The following ADAM12 variants were observed in gnomAD, a reference collection of about 807,000 sequenced individuals.
ADAM12 encodes the protein ADAM metallopeptidase domain 12.
Under a neutral mutation model 106.4 loss-of-function variants are expected in ADAM12, and 70 were observed. That is an observed-to-expected ratio of 0.66 (90% CI 0.54 to 0.80). The LOEUF (loss-of-function observed/expected upper bound fraction) is 0.80. Among genes scored for constraint, ADAM12 ranks in the 30% least tolerant of loss-of-function variants. The pLI, the probability that ADAM12 is intolerant of heterozygous loss-of-function variation, is 0.00. For missense variants in ADAM12, 1,010 were observed against 1,171.9 expected (o/e 0.86, Z 2.02); for synonymous variants, 420 against 433.5 (o/e 0.97, Z 0.39).
intron 3 of ADAM12, among the ~76,000 whole-genome samples, chr10:126,162,232 G>A (rs1956948202): frequency 6.6e-6 from 1 of 152,150 alleles, no homozygotes; most frequent in African/African-American, 2.4e-5. Context: ...TGGGGAGGGG[G>A]TGCCCAAGGG....
At chr10:126,263,942 C>G (rs891681843) in intron 3 of ADAM12, among the ~76,000 whole-genome samples, 1 of 152,118 alleles carries the variant, frequency 6.6e-6, no homozygotes, top group Non-Finnish European at 1.5e-5. Flanking sequence ...AATCATTACC[C>G]TATTTGGTAA....
chr10:126,208,359 T>C (rs1245105210), intron 3 of ADAM12, among the ~76,000 whole-genome samples: 2 of 152,064 alleles, frequency 1.3e-5, no homozygotes, highest in African/African-American at 4.8e-5. Context: ...CAAAGAATTA[T>C]CCCCTCCTCT....
At chr10:126,127,184 C>T (rs73378700) in intron 5 of ADAM12, among the ~76,000 whole-genome samples, 3,203 of 152,218 alleles carry the variant, frequency 0.021, 110 homozygotes, top group African/African-American at 0.073. Context: ...TGGGAGGAAG[C>T]AGAAGGGAGA....
intron 3 of ADAM12, among the ~76,000 whole-genome samples, chr10:126,216,464 C>T (rs1957989177): frequency 6.6e-6 from 1 of 152,210 alleles, no homozygotes. Context: ...CTCAATTTCG[C>T]CCCTGCCAAG....
intron 16 of ADAM12, among the ~76,000 whole-genome samples, chr10:126,048,082 A>T (rs1318375242): frequency 2.0e-5 from 3 of 152,212 alleles, no homozygotes; most frequent in Admixed American, 1.3e-4. Flanking sequence ...TATAAGTAGG[A>T]GCTAAATGAT....
In ADAM12 at chr10:126,060,762, T is replaced by C. The variant is rs138613268; in HGVS notation, c.1609+4044A>G. Among the ~76,000 whole-genome samples, 114 of 152,288 alleles carry C rather than the reference T, an allele frequency of 7.5e-4. 1 individual carries two copies. In the South Asian group the frequency reaches 0.013, roughly 18 times the overall value. ...GGGATCCATGCCTCCCGGGAGGATA[T>C]TGTGAAGGATTCACATCCGCCCTCC... On this transcript the variant is annotated intron_variant, in intron 14 of 22. Coordinates refer to ENST00000448723, the MANE Select transcript of ADAM12 (RefSeq NM_001288973.2).
At chr10:126,238,901 C>T (rs1269426479) in intron 3 of ADAM12, among the ~76,000 whole-genome samples, 2 of 152,098 alleles carry the variant, frequency 1.3e-5, no homozygotes, top group Non-Finnish European at 2.9e-5. Flanking sequence ...CCCTGTCTTT[C>T]TTTTTTATAA....
At chr10:126,177,069 C>T (rs72826371) in intron 3 of ADAM12, among the ~76,000 whole-genome samples, 27,145 of 151,986 alleles carry the variant, frequency 0.18, 3,079 homozygotes, top group Middle Eastern at 0.28. Context: ...CACACACACA[C>T]GGTTTCCTGG....
At chr10:126,214,501 T>C (rs533127988) in intron 3 of ADAM12, among the ~76,000 whole-genome samples, 2 of 152,288 alleles carry the variant, frequency 1.3e-5, no homozygotes, top group South Asian at 4.1e-4. Flanking sequence ...CGTGTTAATA[T>C]ATGCATGGGC....
At chr10:126,104,199 C>T (rs887222458) in intron 8 of ADAM12, among the ~76,000 whole-genome samples, 4 of 152,222 alleles carry the variant, frequency 2.6e-5, no homozygotes, top group East Asian at 1.9e-4. Context: ...CCTGTAATCC[C>T]GGCACTTTGG....
intron 3 of ADAM12, among the ~76,000 whole-genome samples, chr10:126,164,795 C>T (rs1204322571): frequency 1.3e-5 from 2 of 152,192 alleles, no homozygotes; most frequent in Non-Finnish European, 2.9e-5. Flanking sequence ...TGAAGATCTT[C>T]ATGCTGCTAT....
chr10:126,252,357 T>G (rs1344357973), intron 3 of ADAM12, among the ~76,000 whole-genome samples: 1 of 152,094 alleles, frequency 6.6e-6, no homozygotes, highest in African/African-American at 2.4e-5. Flanking sequence ...CATGCAGTTA[T>G]GAAGAATAAG....
intron 5 of ADAM12, among the ~76,000 whole-genome samples, chr10:126,121,149 ATATATAC>A: frequency 1.9e-5 from 1 of 53,086 alleles, no homozygotes; most frequent in African/African-American, 1.0e-4. Context: ...TATATATACT[ATATATAC>A]TATATATACT....
chr10:126,240,899 G>A (rs575381302), intron 3 of ADAM12, among the ~76,000 whole-genome samples: 96 of 152,236 alleles, frequency 6.3e-4, no homozygotes, highest in Non-Finnish European at 1.2e-3. Flanking sequence ...ACCCTGCAGC[G>A]AAAGACCTTC....
intron 3 of ADAM12, among the ~76,000 whole-genome samples, chr10:126,187,443 C>A (rs12251139): frequency 1.3e-5 from 2 of 152,052 alleles, no homozygotes; most frequent in African/African-American, 4.8e-5. Flanking sequence ...CCAAGGAAAT[C>A]AAAATGCTGA....
intron 1 of ADAM12, among the ~76,000 whole-genome samples, chr10:126,346,328 G>A (rs540359304): frequency 5.3e-5 from 8 of 152,274 alleles, no homozygotes; most frequent in South Asian, 4.1e-4. Flanking sequence ...GTAGCTGAGC[G>A]GTTTTTAGTG....
At chr10:126,200,042 C>T (rs1284979556) in intron 3 of ADAM12, among the ~76,000 whole-genome samples, 1 of 152,154 alleles carries the variant, frequency 6.6e-6, no homozygotes, top group Admixed American at 6.5e-5. Context: ...CACTAGTTAC[C>T]AGACAATTAC....
intron 3 of ADAM12, among the ~76,000 whole-genome samples, chr10:126,227,792 C>G (rs1257432118): frequency 2.0e-5 from 3 of 152,122 alleles, no homozygotes; most frequent in Admixed American, 2.0e-4. Flanking sequence ...GACAACCTCA[C>G]TAGGCCAAGA....
chr10:126,157,946 T>C (rs9422815), intron 3 of ADAM12, among the ~76,000 whole-genome samples: 95,863 of 151,798 alleles, frequency 0.63, 31,522 homozygotes, highest in East Asian at 0.77. Flanking sequence ...TCCTTAGTCA[T>C]AGGTAGAGAG....
Sources: gnomAD v4.1 joint callset for allele counts (sites outside exome capture counted in the v4.1 genomes callset) on GRCh38, gnomAD v4.1.1 for gene constraint, MANE v1.5 for transcripts, NCBI Gene and HGNC (gene_info 2026-07-23, HGNC 2026-07-21) for gene names.